Variants in FOXP2 observed in about 807,000 individuals in gnomAD.
The protein encoded by FOXP2 is forkhead box P2, also known as forkhead box protein P2.
FOXP2 carries 12 observed loss-of-function variants against 115.8 expected under a neutral mutation model. The ratio of observed to expected loss-of-function variants is 0.10; its 90% CI spans 0.07 to 0.17. FOXP2 has a LOEUF of 0.17. Ranked by LOEUF, FOXP2 falls within the 10% of genes least tolerant of loss-of-function variation. The pLI, the probability that FOXP2 is intolerant of heterozygous loss-of-function variation, is 1.00. For missense variants in FOXP2, 629 were observed against 843.5 expected (o/e 0.75, Z 3.15); for synonymous variants, 328 against 297.7 (o/e 1.10, Z -1.05).
chr7:114,612,565 C>T (rs1003911287), intron 3 of FOXP2, among the ~76,000 whole-genome samples: 1 of 152,038 alleles, frequency 6.6e-6, no homozygotes, highest in Non-Finnish European at 1.5e-5. Context: ...GTTGAAGGTA[C>T]AGTCCTACTC....
chr7:114,258,311 C>G (rs1363842888), intron 1 of FOXP2, among the ~76,000 whole-genome samples: 1 of 152,166 alleles, frequency 6.6e-6, no homozygotes, highest in Non-Finnish European at 1.5e-5. Flanking sequence ...CTACATTATA[C>G]TGTGTTTGGT....
chr7:114,086,464 C>T (rs1799418599), upstream of FOXP2: 2 of 341,618 alleles, frequency 5.9e-6, no homozygotes, highest in Non-Finnish European at 1.1e-5. Context: ...CTGGCTGCGG[C>T]TTCCTCGGCC....
intron 1 of FOXP2, among the ~76,000 whole-genome samples, chr7:114,177,968 T>C (rs924255183): frequency 6.6e-6 from 1 of 152,010 alleles, no homozygotes; most frequent in African/African-American, 2.4e-5. Context: ...TCTTTCCCCC[T>C]AGCATCTTTA....
At chr7:114,090,278 A>AAT (rs1799516205) in intron 1 of FOXP2, among the ~76,000 whole-genome samples, 1 of 151,940 alleles carries the variant, frequency 6.6e-6, no homozygotes, top group Non-Finnish European at 1.5e-5. Flanking sequence ...TGAATTCAGA[A>AAT]ATAGTGTCAA....
At chr7:114,443,959 A>G (rs1306725704) in intron 2 of FOXP2, among the ~76,000 whole-genome samples, 1 of 152,186 alleles carries the variant, frequency 6.6e-6, no homozygotes, top group Non-Finnish European at 1.5e-5. Context: ...TGCTGGATCA[A>G]ATGGCAATTC....
chr7:114,196,591 T>C (rs1186389236), intron 1 of FOXP2, among the ~76,000 whole-genome samples: 1 of 152,206 alleles, frequency 6.6e-6, no homozygotes, highest in East Asian at 1.9e-4. Context: ...TAGACTGTAA[T>C]TTACACTTTT....
At chr7:114,501,047 G>A (rs553788219) in intron 2 of FOXP2, among the ~76,000 whole-genome samples, 1 of 152,142 alleles carries the variant, frequency 6.6e-6, no homozygotes, top group African/African-American at 2.4e-5. Context: ...ACTAACTTGA[G>A]CTACTTCAGC....
intron 1 of FOXP2, among the ~76,000 whole-genome samples, chr7:114,219,069 C>T (rs1794555380): frequency 6.6e-6 from 1 of 152,046 alleles, no homozygotes; most frequent in Non-Finnish European, 1.5e-5. Context: ...TGCAACTGAA[C>T]CCAAACAACT....
Position 114,689,771 on chromosome 7 carries a change from A to G in FOXP2, c.2004-11A>G, listed in dbSNP as rs540760143. Reference sequence around the variant, plus strand: ...CTTAGTAAAATTTTGGTGTATCTACATGTTTTTCAGACATTCAATCCACGT... The same window carrying G: ...CTTAGTAAAATTTTGGTGTATCTACGTGTTTTTCAGACATTCAATCCACGT... On this transcript the variant is annotated splice_polypyrimidine_tract_variant and intron_variant, in intron 16 of 16. Transcript: ENST00000350908. 7 of 1,613,038 alleles carry G rather than the reference A, an allele frequency of 4.3e-6. No individual in the cohort carries two copies. Among genetic ancestry groups the G allele is most frequent in the South Asian group, 3.3e-5 (3 of 91,060 alleles).
intron 2 of FOXP2, among the ~76,000 whole-genome samples, chr7:114,386,855 T>C (rs1792468122): frequency 1.3e-5 from 2 of 152,264 alleles, no homozygotes; most frequent in Admixed American, 6.5e-5. Context: ...AAATATCTAC[T>C]TACTGTTGAA....
intron 2 of FOXP2, among the ~76,000 whole-genome samples, chr7:114,327,458 T>C (rs1797586265): frequency 6.6e-6 from 1 of 152,152 alleles, no homozygotes; most frequent in Admixed American, 6.6e-5. Context: ...TTCCTGATAC[T>C]ATGTAGGTCA....
At chr7:114,397,168 T>C (rs1792764651) in intron 2 of FOXP2, among the ~76,000 whole-genome samples, 1 of 152,116 alleles carries the variant, frequency 6.6e-6, no homozygotes, top group African/African-American at 2.4e-5. Context: ...CGGGTGGAGA[T>C]TTATGTAAAA....
intron 2 of FOXP2, among the ~76,000 whole-genome samples, chr7:114,299,415 A>C (rs1796825076): frequency 6.6e-6 from 1 of 152,030 alleles, no homozygotes; most frequent in Non-Finnish European, 1.5e-5. Flanking sequence ...TCCCATATCT[A>C]GTTCCAAGAG....
At chr7:114,192,231 C>A (rs1415409084) in intron 1 of FOXP2, among the ~76,000 whole-genome samples, 2 of 152,118 alleles carry the variant, frequency 1.3e-5, no homozygotes, top group African/African-American at 4.8e-5. Flanking sequence ...GTGATCTGCC[C>A]GCCTTTGCCT....
intron 2 of FOXP2, among the ~76,000 whole-genome samples, chr7:114,385,310 G>C (rs1471385861): frequency 1.3e-5 from 2 of 152,196 alleles, no homozygotes; most frequent in Non-Finnish European, 2.9e-5. Flanking sequence ...GCAGGGATCA[G>C]AGGAAGTAGA....
At chr7:114,327,288 T>TTGAATGAATGAATGAATGAATGAG (rs1562872208) in intron 2 of FOXP2, among the ~76,000 whole-genome samples, 1 of 152,154 alleles carries the variant, frequency 6.6e-6, no homozygotes, top group African/African-American at 2.4e-5. Context: ...GAATGAATAC[T>TTGAATGAATGAATGAATGAATGAG]TGAATGAATG....
At position 114,105,675 on chromosome 7, in the gene FOXP2, A is replaced by G. The variant is rs530893557; in HGVS notation, c.-247+17837A>G. The stretch of plus-strand genomic sequence containing the variant: ...ATGGGTCATCTCACATTATTCTCTG[A>G]GGTGAATTTAGAATCTGAGGTAAAG... On this transcript the variant is annotated intron_variant, in intron 1 of 19. Coordinates refer to the FOXP2 transcript ENST00000635638. Among the ~76,000 whole-genome samples, 21 of 152,070 alleles carry G rather than the reference A, an allele frequency of 1.4e-4. No homozygotes were observed. The East Asian group carries it at 4.1e-3, about 29-fold the overall frequency.
intron 13 of FOXP2, among the ~76,000 whole-genome samples, chr7:114,661,286 C>A (rs1464628227): frequency 6.6e-6 from 1 of 151,810 alleles, no homozygotes; most frequent in Admixed American, 6.6e-5. Context: ...ATGTGGTCTA[C>A]TGTATATTTA....
At chr7:114,570,767 G>A in intron 3 of FOXP2, 1 of 1,497,290 alleles carries the variant, frequency 6.7e-7, no homozygotes, top group Non-Finnish European at 9.3e-7. Flanking sequence ...CCTTAAGATT[G>A]AAAAAAAAGC....
Sources: allele counts gnomAD v4.1 joint callset (sites outside exome capture counted in the v4.1 genomes callset), GRCh38; gene constraint gnomAD v4.1.1; transcripts MANE v1.5; gene names NCBI Gene and HGNC (gene_info 2026-07-23, HGNC 2026-07-21).